PREX2: variants seen among roughly 807,000 people sequenced by gnomAD.
PREX2 encodes the protein phosphatidylinositol 3,4,5-trisphosphate-dependent Rac exchanger 2 protein.
In PREX2, 107 loss-of-function variants were observed where a neutral mutation model predicts 203.2. The observed-to-expected ratio is 0.53, with a 90% CI of 0.45 to 0.62. The LOEUF (loss-of-function observed/expected upper bound fraction) is 0.62, where lower values mean the gene tolerates loss of function less well. PREX2 is among the 20% of genes least tolerant of loss of function. The pLI, the probability that PREX2 is intolerant of heterozygous loss-of-function variation, is 0.00. For synonymous variants in PREX2, 672 were observed against 663.6 expected, an observed-to-expected ratio of 1.01 and a Z score of -0.19; for missense variants, 1,777 against 1,955.9, an observed-to-expected ratio of 0.91 and a Z score of 1.72.
rs754056491 is a variant in PREX2, at chr8:68,080,598, ATATGT to A, written c.1785+17_1785+21del. On this transcript the variant is annotated intron_variant, in intron 16 of 39. Transcript: ENST00000288368. ...TAAGTCATTATTGGTAAGTTTATTG[ATATGT>A]TATATAAGTTTTCTTCTTGATTAGA... The A allele has an allele frequency of 1.1e-5, 17 of 1,578,672 alleles. No homozygotes were observed. In the South Asian group the frequency reaches 1.3e-4, roughly 12 times the overall value.
intron 30 of PREX2, among the ~76,000 whole-genome samples, chr8:68,125,735 A>G (rs2129613218): frequency 6.6e-6 from 1 of 152,252 alleles, no homozygotes; most frequent in East Asian, 1.9e-4. Flanking sequence ...TTCCCTATAA[A>G]GAAAAATGCT....
chr8:67,994,481 T>G (rs1178059575), intron 1 of PREX2, among the ~76,000 whole-genome samples: 1 of 152,198 alleles, frequency 6.6e-6, no homozygotes, highest in African/African-American at 2.4e-5. Flanking sequence ...GTCAACTGTT[T>G]TGTTAAATCT....
In PREX2 at chr8:68,231,462, G is replaced by T; in HGVS notation, c.*84G>T. 59 of 876,456 alleles carry T rather than the reference G, an allele frequency of 6.7e-5. No homozygotes were observed. The highest frequency in any genetic ancestry group is 8.7e-5 in the Non-Finnish European group (52 of 600,118). 54.3% of individuals were successfully genotyped at this position (876,456 alleles called of 1,614,324 possible). ...ACATGCTGGCTAAACATTCTCCACT[G>T]AAGATACATCAATGCTTTTTTTTTT... On this transcript the variant is annotated 3_prime_UTR_variant, in exon 40 of 40. Coordinates refer to ENST00000288368, the MANE Select transcript of PREX2 (RefSeq NM_024870.4).
At position 68,019,537 on chromosome 8, in the gene PREX2, G is replaced by T. The variant is rs528854952; in HGVS notation, c.214-12G>T. ...CACTACTGAGCTTACTTACACATTT[G>T]TTTATTTACAGATGTTGTTCTCAAA... On this transcript the variant is annotated splice_polypyrimidine_tract_variant and intron_variant, in intron 2 of 39. Transcript: ENST00000288368. The T allele has an allele frequency of 1.9e-6, 3 of 1,600,776 alleles. No individual in the cohort carries two copies. Among genetic ancestry groups the T allele is most frequent in the Non-Finnish European group, 2.6e-6 (3 of 1,174,336 alleles).
rs192250012 is a variant in PREX2, at chr8:67,963,183, C to T, written c.141+10648C>T. ...TGGCCTGGGTAACTTCTGCAGTGTG[C>T]CCTTATTGTGAAGAGTGTGCATTCT... On this transcript the variant is annotated intron_variant, in intron 1 of 39. Transcript: ENST00000288368. Among the ~76,000 whole-genome samples the T allele has an allele frequency of 1.9e-3, 283 of 152,182 alleles. 3 individuals are homozygous for T. The highest frequency in any genetic ancestry group is 0.016 in the Admixed American group (239 of 15,280).
intron 31 of PREX2, among the ~76,000 whole-genome samples, chr8:68,130,686 C>T (rs1165402552): frequency 6.6e-6 from 1 of 152,168 alleles, no homozygotes; most frequent in East Asian, 1.9e-4. Flanking sequence ...TGGTTGAAAG[C>T]AGATGATATG....
intron 1 of PREX2, among the ~76,000 whole-genome samples, chr8:68,001,316 C>T (rs1484917003): frequency 1.3e-5 from 2 of 152,124 alleles, no homozygotes; most frequent in African/African-American, 4.8e-5. Context: ...GAAAGACATG[C>T]ATGCAGTCAA....
intron 35 of PREX2, among the ~76,000 whole-genome samples, chr8:68,171,778 A>C (rs1269563419): frequency 2.6e-5 from 4 of 152,186 alleles, no homozygotes; most frequent in Non-Finnish European, 5.9e-5. Context: ...ACCTGAAACC[A>C]CAAGAGTATA....
intron 1 of PREX2, among the ~76,000 whole-genome samples, chr8:67,967,014 G>C (rs572529606): frequency 1.3e-5 from 2 of 152,204 alleles, no homozygotes; most frequent in Non-Finnish European, 2.9e-5. Flanking sequence ...CAGAGAAGAG[G>C]AATAAGTGTG....
At chr8:68,135,253 G>T (rs1272106085) in intron 32 of PREX2, among the ~76,000 whole-genome samples, 3 of 152,032 alleles carry the variant, frequency 2.0e-5, no homozygotes, top group Non-Finnish European at 4.4e-5. Context: ...AACTGCCATT[G>T]TCTAATCAAG....
intron 35 of PREX2, among the ~76,000 whole-genome samples, chr8:68,158,684 T>C (rs1811596467): frequency 1.3e-5 from 2 of 152,140 alleles, no homozygotes; most frequent in Non-Finnish European, 2.9e-5. Context: ...GATAAATACA[T>C]AGCGCAAAGG....
chr8:67,993,568 C>G (rs1806673544), intron 1 of PREX2, among the ~76,000 whole-genome samples: 1 of 152,032 alleles, frequency 6.6e-6, no homozygotes, highest in South Asian at 2.1e-4. Flanking sequence ...TGCTACTGCC[C>G]AGCTAATTTT....
intron 30 of PREX2, among the ~76,000 whole-genome samples, chr8:68,126,873 A>G (rs995837921): frequency 3.3e-5 from 5 of 151,858 alleles, no homozygotes; most frequent in Non-Finnish European, 5.9e-5. Flanking sequence ...GTGTGTGTGT[A>G]TATATATGTG....
intron 37 of PREX2, among the ~76,000 whole-genome samples, chr8:68,196,718 G>A (rs1812403844): frequency 6.9e-6 from 1 of 144,934 alleles, no homozygotes; most frequent in African/African-American, 2.7e-5. Context: ...AAAGATGTAT[G>A]GCACCTCCCC....
At chr8:68,028,987 A>C (rs1355372232) in intron 5 of PREX2, among the ~76,000 whole-genome samples, 2 of 152,050 alleles carry the variant, frequency 1.3e-5, no homozygotes, top group Non-Finnish European at 2.9e-5. Context: ...TTATCTCCAC[A>C]AAGCAACATG....
intron 3 of PREX2, 25 bp downstream of exon 3, chr8:68,019,696 A>G: frequency 6.3e-7 from 1 of 1,592,004 alleles, no homozygotes; most frequent in Non-Finnish European, 8.5e-7. Context: ...TTTTTATTTT[A>G]AAAGTTCTTT....
intron 7 of PREX2, among the ~76,000 whole-genome samples, chr8:68,040,350 C>T (rs1345085164): frequency 6.6e-6 from 1 of 152,076 alleles, no homozygotes; most frequent in Non-Finnish European, 1.5e-5. Context: ...ATTCACACTC[C>T]TTACCCTAGT....
At chr8:68,169,395 TC>T (rs1046023849) in intron 35 of PREX2, among the ~76,000 whole-genome samples, 2 of 151,750 alleles carry the variant, frequency 1.3e-5, no homozygotes, top group Admixed American at 1.3e-4. Context: ...TGGAGTTTGT[TC>T]CAGAGATGTG....
intron 37 of PREX2, among the ~76,000 whole-genome samples, chr8:68,197,873 A>C (rs1585859089): frequency 1.3e-5 from 2 of 151,306 alleles, no homozygotes; most frequent in East Asian, 3.9e-4. Flanking sequence ...TTGCTGCATA[A>C]TATGTCAACC....
Sources: gnomAD v4.1 joint callset for allele counts (sites outside exome capture counted in the v4.1 genomes callset) on GRCh38, gnomAD v4.1.1 for gene constraint, MANE v1.5 for transcripts, NCBI Gene and HGNC (gene_info 2026-07-23, HGNC 2026-07-21) for gene names.